Variants in HSD17B2 observed in about 807,000 individuals in gnomAD.
The protein encoded by HSD17B2 is hydroxysteroid 17-beta dehydrogenase 2.
In HSD17B2, 32 loss-of-function variants were observed where a neutral mutation model predicts 26.9. That is an observed-to-expected ratio of 1.19 (90% CI 0.90 to 1.60). The LOEUF (loss-of-function observed/expected upper bound fraction) is 1.60. Among genes scored for constraint, HSD17B2 ranks in the 40% most tolerant of loss-of-function variants. The pLI, the probability that HSD17B2 is intolerant of heterozygous loss-of-function variation, is 0.00. For missense variants in HSD17B2, 613 were observed against 468.6 expected, an observed-to-expected ratio of 1.31 and a Z score of -2.85; for synonymous variants, 246 against 186.7, an observed-to-expected ratio of 1.32 and a Z score of -2.59.
At chr16:82,071,253 G>C in intron 3 of HSD17B2, 126 bp downstream of exon 3, 1 of 849,166 alleles carries the variant, frequency 1.2e-6, no homozygotes, top group Non-Finnish European at 2.0e-6. Context: ...TAGTCAAATT[G>C]TATATACCCT....
intron 4 of HSD17B2, chr16:82,096,197 T>C (rs554700207): frequency 1.8e-4 from 28 of 152,314 alleles, no homozygotes; most frequent in Admixed American, 1.1e-3. Flanking sequence ...ATCCATTAAG[T>C]AGATTAAATA....
At chr16:82,042,590 T>C (rs986144943) in intron 1 of HSD17B2, among the ~76,000 whole-genome samples, 3 of 152,144 alleles carry the variant, frequency 2.0e-5, no homozygotes, top group Non-Finnish European at 4.4e-5. Flanking sequence ...AAGTTGGCAA[T>C]GATTTCTTTC....
At chr16:82,062,665 G>A (rs114147136) in intron 1 of HSD17B2, among the ~76,000 whole-genome samples, 23 of 152,204 alleles carry the variant, frequency 1.5e-4, no homozygotes, top group Non-Finnish European at 2.8e-4. Context: ...ACCCCCCAGG[G>A]TGATTGAGAG....
rs181614058 is a variant in HSD17B2, at chr16:82,061,843, G to C, written c.266-6327G>C. 1.4e-3 allele frequency among the ~76,000 whole-genome samples: 208 copies of C among 152,278 alleles called. 2 individuals are homozygous for C. The highest frequency in any genetic ancestry group is 4.8e-3 in the African/African-American group (201 of 41,554). ...ATGACTAAAAAACATTTACAGGTTTGTAAATTTATCCCCCATCTTCCTTCT... is the reference window on the plus strand; with the variant it reads ...ATGACTAAAAAACATTTACAGGTTTCTAAATTTATCCCCCATCTTCCTTCT... On this transcript the variant is annotated intron_variant, in intron 1 of 4. Transcript: ENST00000199936.
intron 1 of HSD17B2, among the ~76,000 whole-genome samples, chr16:82,036,398 C>A (rs1216259632): frequency 2.0e-5 from 3 of 149,308 alleles, no homozygotes; most frequent in African/African-American, 7.4e-5. Context: ...AATTAAATTT[C>A]TTTGAGTTGT....
intron 3 of HSD17B2, among the ~76,000 whole-genome samples, chr16:82,076,959 A>G (rs1193566722): frequency 6.6e-6 from 1 of 152,246 alleles, no homozygotes; most frequent in Non-Finnish European, 1.5e-5. Context: ...TAACCTAACC[A>G]GAGAAGTGAA....
chr16:82,088,800 G>A (rs1460037174), intron 3 of HSD17B2, among the ~76,000 whole-genome samples: 1 of 152,172 alleles, frequency 6.6e-6, no homozygotes, highest in Non-Finnish European at 1.5e-5. Flanking sequence ...GCCAGACATC[G>A]TGTTAAAATT....
At chr16:82,075,025 C>G (rs1440495175) in intron 3 of HSD17B2, among the ~76,000 whole-genome samples, 1 of 151,826 alleles carries the variant, frequency 6.6e-6, no homozygotes, top group Non-Finnish European at 1.5e-5. Context: ...TGGACCAAAA[C>G]TAGAAATAAA....
intron 3 of HSD17B2, among the ~76,000 whole-genome samples, chr16:82,078,982 G>A (rs1904320352): frequency 1.3e-5 from 2 of 152,196 alleles, no homozygotes; most frequent in Admixed American, 6.5e-5. Context: ...AGTGACAATA[G>A]TCAATAATAA....
chr16:82,048,567 G>A (rs886345858), intron 1 of HSD17B2, among the ~76,000 whole-genome samples: 15 of 152,148 alleles, frequency 9.9e-5, no homozygotes, highest in African/African-American at 3.6e-4. Flanking sequence ...GAAATTTGGG[G>A]AGTGATTTGG....
At chr16:82,037,695 A>G (rs1385357095) in intron 1 of HSD17B2, among the ~76,000 whole-genome samples, 4 of 152,262 alleles carry the variant, frequency 2.6e-5, no homozygotes, top group Non-Finnish European at 4.4e-5. Context: ...GTGATAATAT[A>G]TGGTACATCC....
intron 1 of HSD17B2, chr16:82,062,959 C>G (rs200537908): frequency 1.6e-4 from 24 of 152,274 alleles, no homozygotes; most frequent in African/African-American, 5.1e-4. Flanking sequence ...TCTCTAACAT[C>G]ATAAGTCAGA....
intron 1 of HSD17B2, among the ~76,000 whole-genome samples, chr16:82,063,514 C>T (rs1168783028): frequency 3.9e-5 from 6 of 152,020 alleles, no homozygotes; most frequent in Admixed American, 3.9e-4. Context: ...AGATGGTCTC[C>T]CGTGATCTTT....
chr16:82,077,282 G>A (rs1299498548), intron 3 of HSD17B2, among the ~76,000 whole-genome samples: 2 of 152,208 alleles, frequency 1.3e-5, no homozygotes, highest in African/African-American at 4.8e-5. Flanking sequence ...CAGAGCCGTA[G>A]TAACCAAAAC....
chr16:82,068,890 C>T (rs1914634601), intron 2 of HSD17B2, among the ~76,000 whole-genome samples: 1 of 152,158 alleles, frequency 6.6e-6, no homozygotes, highest in East Asian at 1.9e-4. Context: ...CAGAATTAGC[C>T]TGAAGACCCA....
intron 3 of HSD17B2, among the ~76,000 whole-genome samples, chr16:82,088,752 G>A (rs981003622): frequency 6.6e-6 from 1 of 152,164 alleles, no homozygotes; most frequent in Non-Finnish European, 1.5e-5. Context: ...CTGGCCATCT[G>A]TGGCAAGATT....
chr16:82,092,986 G>C (rs1056742354), intron 4 of HSD17B2: 2 of 152,144 alleles, frequency 1.3e-5, no homozygotes, highest in Non-Finnish European at 2.9e-5. Context: ...TGATTTTGGA[G>C]ATTCAGTATA....
intron 1 of HSD17B2, chr16:82,063,331 G>C (rs1455162704): frequency 1.3e-5 from 2 of 152,058 alleles, no homozygotes; most frequent in Non-Finnish European, 2.9e-5. Flanking sequence ...GCTCTATTAG[G>C]CATTTCACAA....
Position 82,071,565 on chromosome 16 carries a change from G to C in HSD17B2, c.664+438G>C, listed in dbSNP as rs13330917. 351 of 301,542 alleles carry C rather than the reference G, an allele frequency of 1.2e-3. 2 individuals carry two copies. The highest frequency in any genetic ancestry group is 7.2e-3 in the African/African-American group (331 of 45,666). 18.7% of individuals were successfully genotyped at this position (301,542 alleles called of 1,614,324 possible). A position where few individuals can be genotyped will look rare whatever the true frequency, so the allele number is the denominator to read the frequency against. ...TTGTGCCATCAAACAAAAGCTGCCTGCTATTGTTAACCCGAAGATTGTCCC... is the reference window on the plus strand; with the variant it reads ...TTGTGCCATCAAACAAAAGCTGCCTCCTATTGTTAACCCGAAGATTGTCCC... On this transcript the variant is annotated intron_variant, in intron 3 of 4. Transcript: ENST00000199936.
Sources: allele counts gnomAD v4.1 joint callset (sites outside exome capture counted in the v4.1 genomes callset), GRCh38; gene constraint gnomAD v4.1.1; transcripts MANE v1.5; gene names NCBI Gene and HGNC (gene_info 2026-07-23, HGNC 2026-07-21).